CIAO3: variants seen among roughly 807,000 people sequenced by gnomAD.
The protein encoded by CIAO3 is LET1 like/JFP15.
CIAO3 carries 45 observed loss-of-function variants against 51.5 expected under a neutral mutation model. That is an observed-to-expected ratio of 0.87 (90% CI 0.69 to 1.12). The LOEUF (loss-of-function observed/expected upper bound fraction) is 1.12. CIAO3 is among the 50% of genes most tolerant of loss of function. CIAO3 has a pLI of 0.00. For synonymous variants in CIAO3, 314 were observed against 269.3 expected (o/e 1.17, Z -1.63); for missense variants, 668 against 632.5 (o/e 1.06, Z -0.60).
chr16:730,552 G>C lies in CIAO3; in HGVS notation c.1296C>G (p.Pro432=), dbSNP rs748883717. ...RLYGMVRAEA[P]EDAPGVQELY... ...GCTCCTGAACCCCAGGCGCGTCCTC[G>C]GGCGCCTCAGCCCGGACCATGCCGT... Residue 432 remains proline, a synonymous_variant, in exon 11 of 11, where the codon CCC becomes CCG. Transcript: ENST00000251588. The C allele has an allele frequency of 1.2e-6, 2 of 1,610,816 alleles. No homozygotes were observed. Among genetic ancestry groups the C allele is most frequent in the Non-Finnish European group, 1.7e-6 (2 of 1,179,990 alleles).
At chr16:730,742 C>T in intron 10 of CIAO3, 87 bp from the exon 11 acceptor site, 1 of 1,578,056 alleles carries the variant, frequency 6.3e-7, no homozygotes, top group Non-Finnish European at 8.6e-7. Flanking sequence ...TGACCGGGCC[C>T]CCTCTGTGCC....
chr16:735,206 C>T (rs541025853), intron 4 of CIAO3: 10 of 274,980 alleles, frequency 3.6e-5, no homozygotes, highest in African/African-American at 1.3e-4. Flanking sequence ...GCGCTGCTCC[C>T]GGTGACCCTC....
rs780351449 is a variant in CIAO3 at position 739,727 on chromosome 16, C to A, written c.78G>T (p.Lys26Asn). 1.1e-5 allele frequency: 17 copies of A among 1,614,028 alleles called. No individual in the cohort carries two copies. The South Asian group carries it at 1.6e-4, about 16-fold the overall frequency. ...CCGCCCTTTTTTCCACTTTGACAGG[C>A]TTGATGCACTCCTAGAGCAGGAAGA... is the stretch of plus-strand genomic sequence containing the variant. ...DFIGPSQECIKPVKVEKRAGS... is the reference protein window; with the variant it reads ...DFIGPSQECINPVKVEKRAGS... Residue 26 changes from lysine (K) to asparagine (N), a missense_variant, in exon 2 of 11, where the codon AAG becomes AAT. Transcript: ENST00000251588.
At chr16:740,132 C>A (rs1322710312) in intron 1 of CIAO3, 1 of 1,299,606 alleles carries the variant, frequency 7.7e-7, no homozygotes, top group South Asian at 1.2e-5. Context: ...CTGCTCAGTG[C>A]CCGGGAAACA....
chr16:730,588 C>T lies in CIAO3; in HGVS notation c.1260G>A (p.Val420=). ...DRPSRELLQH[V]ERLYGMVRAE... is the part of the protein sequence containing the mutation. ...CCCGGACCATGCCGTACAGTCTCTC[C>T]ACGTGCTGGAGGAGCTCTCTGCTGG... The change falls in exon 11 of 11, where the codon GTG becomes GTA. Residue 420 remains valine, a synonymous_variant. Coordinates refer to ENST00000251588, the MANE Select transcript of CIAO3 (RefSeq NM_022493.3). 1 of 1,610,946 alleles carries T rather than the reference C, an allele frequency of 6.2e-7. No individual in the cohort carries two copies. The highest frequency in any genetic ancestry group is 1.7e-5 in the Admixed American group (1 of 60,030).
At chr16:731,542 G>C (rs1191971644) in intron 9 of CIAO3, 23 bp downstream of exon 9, 3 of 1,544,074 alleles carry the variant, frequency 1.9e-6, no homozygotes, top group Admixed American at 3.9e-5. Flanking sequence ...GCTCTGCCCA[G>C]AGATCTGGCC....
In CIAO3 at chr16:730,568, A is replaced by C. The variant is rs1323103799; in HGVS notation, c.1280T>G (p.Val427Gly). Residue 427 changes from valine (V) to glycine (G), a missense_variant, in exon 11 of 11, where the codon GTC becomes GGC. Coordinates refer to ENST00000251588, the MANE Select transcript of CIAO3 (RefSeq NM_022493.3). Reference protein sequence around the residue: ...LQHVERLYGMVRAEAPEDAPG... With the variant: ...LQHVERLYGMGRAEAPEDAPG... ...CGCGTCCTCGGGCGCCTCAGCCCGG[A>C]CCATGCCGTACAGTCTCTCCACGTG... 1.9e-6 allele frequency: 3 copies of C among 1,610,830 alleles called. No individual in the cohort carries two copies. The highest frequency in any genetic ancestry group is 2.2e-5 in the East Asian group (1 of 44,900).
intron 6 of CIAO3, chr16:733,915 T>G: frequency 2.5e-6 from 1 of 405,064 alleles, no homozygotes; most frequent in Non-Finnish European, 4.7e-6. Flanking sequence ...CAGGTGGGGG[T>G]CGTGCTGGGC....
chr16:739,756 C>A lies in CIAO3; in HGVS notation c.67-18G>T. On this transcript the variant is annotated intron_variant, in intron 1 of 10. Coordinates refer to ENST00000251588, the MANE Select transcript of CIAO3 (RefSeq NM_022493.3). ...ATGCACTCCTAGAGCAGGAAGAGAC[C>A]CCAAATCAGCCCCTGTGAGTGGGCG... 6.2e-7 allele frequency: 1 copy of A among 1,610,694 alleles called. No homozygotes were observed. Among genetic ancestry groups the A allele is most frequent in the Non-Finnish European group, 8.5e-7 (1 of 1,177,492 alleles).
At chr16:731,257 C>A (rs1418553771) in intron 9 of CIAO3, 6 of 621,422 alleles carry the variant, frequency 9.7e-6, no homozygotes, top group Non-Finnish European at 1.7e-5. Flanking sequence ...CTGTGAGGCC[C>A]TGGCCCTCCC....
chr16:736,047 A>T (rs2041333695), intron 4 of CIAO3, among the ~76,000 whole-genome samples: 1 of 152,174 alleles, frequency 6.6e-6, no homozygotes, highest in South Asian at 2.1e-4. Flanking sequence ...AGCTTAGAGA[A>T]AGTGCACAGT....
At chr16:731,284 C>T (rs1424885852) in intron 9 of CIAO3, 15 of 607,132 alleles carry the variant, frequency 2.5e-5, no homozygotes, top group South Asian at 2.4e-4. Context: ...GATGTGGTCG[C>T]GTGCCTGCGC....
rs112836927 is a variant in CIAO3 at position 740,078 on chromosome 16, C to G, written c.67-340G>C. 6,321 of 1,352,342 alleles carry G rather than the reference C, an allele frequency of 4.7e-3. 259 individuals are homozygous for G. In the African/African-American group the frequency reaches 0.083, roughly 18 times the overall value. 83.8% of individuals were successfully genotyped at this position (1,352,342 alleles called of 1,614,324 possible). A position where few individuals can be genotyped will look rare whatever the true frequency, so the allele number is the denominator to read the frequency against. Reference sequence around the variant, plus strand: ...CACCACAGAGACCAGAGTTGCACTGCCCATCGAGAGGACGTGTGCTTGGAT... The same window carrying G: ...CACCACAGAGACCAGAGTTGCACTGGCCATCGAGAGGACGTGTGCTTGGAT... On this transcript the variant is annotated intron_variant, in intron 1 of 10. Transcript: ENST00000251588.
rs1204486329 is a variant in CIAO3 at position 740,977 on chromosome 16, C to T, written c.9G>A (p.Ser3=). The T allele has an allele frequency of 1.1e-5, 16 of 1,510,826 alleles. 1 individual carries two copies. In the East Asian group the frequency reaches 4.0e-4, roughly 38 times the overall value. The allele number at this position is 1,510,826 out of a possible 1,614,324, so 93.6% of individuals were successfully genotyped here. Reference sequence around the variant, plus strand: ...TCAGCTGCAGCGCCCCGCTGAAGGGCGACGCCATGACGGCCGCACTGCCGC... The same window carrying T: ...TCAGCTGCAGCGCCCCGCTGAAGGGTGACGCCATGACGGCCGCACTGCCGC... MA[S]PFSGALQLTD... Residue 3 remains serine (S), a synonymous_variant, in exon 1 of 11, where the codon TCG becomes TCA. Coordinates refer to ENST00000251588, the MANE Select transcript of CIAO3 (RefSeq NM_022493.3).
In CIAO3 at chr16:738,459, C is replaced by T. The variant is rs567660085; in HGVS notation, c.163-1130G>A. 6 of 440,688 alleles carry T rather than the reference C, an allele frequency of 1.4e-5. No individual in the cohort carries two copies. The South Asian group carries it at 4.7e-4, about 35-fold the overall frequency. 27.3% of individuals were successfully genotyped at this position (440,688 alleles called of 1,614,324 possible). A position where few individuals can be genotyped will look rare whatever the true frequency, so the allele number is the denominator to read the frequency against. On this transcript the variant is annotated intron_variant, in intron 2 of 10. Coordinates refer to ENST00000251588, the MANE Select transcript of CIAO3 (RefSeq NM_022493.3). The stretch of plus-strand genomic sequence containing the variant: ...CGCCTCCCAGGCTCACGCCATTCTC[C>T]TGCCTCAGCTTCCCGGTAGCTGGGA...
Position 731,645 on chromosome 16 carries a change from GCCC to G in CIAO3, c.951_953del (p.Gly318del). On this transcript the variant is annotated inframe_deletion, in exon 9 of 11. Coordinates refer to ENST00000251588, the MANE Select transcript of CIAO3 (RefSeq NM_022493.3). ...CGTGCCGGAACACGTGCTCCAGGTA[GCCC>G]CCCGAGCCCCCTCCCCGATGGCTGG... 1 of 1,557,122 alleles carries G rather than the reference GCCC, an allele frequency of 6.4e-7. No homozygotes were observed. Among genetic ancestry groups the G allele is most frequent in the Middle Eastern group, 1.7e-4 (1 of 5,996 alleles).
chr16:737,928 TCTC>T lies in CIAO3; in HGVS notation c.163-602_163-600del, dbSNP rs1158571953. On this transcript the variant is annotated intron_variant, in intron 2 of 10. Coordinates refer to ENST00000251588, the MANE Select transcript of CIAO3 (RefSeq NM_022493.3). This position sits in a 1 kb window ranked among gnomAD's most constrained non-coding sequence, Gnocchi z 5.3. The stretch of plus-strand genomic sequence containing the variant: ...GCACCCAGCTCGAGCTCCCCCAACT[TCTC>T]CTGCAAAGGCAGGAATGGTTTGAGC... The T allele has an allele frequency of 2.0e-5, 24 of 1,176,648 alleles. No homozygotes were observed. Among genetic ancestry groups the T allele is most frequent in the Non-Finnish European group, 1.9e-5 (18 of 936,038 alleles). 72.9% of individuals were successfully genotyped at this position (1,176,648 alleles called of 1,614,324 possible).
At chr16:740,793 G>A (rs2041382376) in intron 1 of CIAO3, 127 bp downstream of exon 1, 11 of 973,678 alleles carry the variant, frequency 1.1e-5, no homozygotes, top group South Asian at 1.5e-5. Context: ...AGTCCCTGAC[G>A]GCCCAGACCG....
rs1422816618 is a variant in CIAO3 at position 737,803 on chromosome 16, G to A, written c.163-474C>T. ...GGGAGCCTGGCCTCCGGTGGGCGGGGCAGAAACAACCGTCAGACTCGCCAA... is the reference window on the plus strand; with the variant it reads ...GGGAGCCTGGCCTCCGGTGGGCGGGACAGAAACAACCGTCAGACTCGCCAA... On this transcript the variant is annotated intron_variant, in intron 2 of 10. Coordinates refer to ENST00000251588, the MANE Select transcript of CIAO3 (RefSeq NM_022493.3). This position sits in a 1 kb window ranked among gnomAD's most constrained non-coding sequence, Gnocchi z 5.3. The A allele has an allele frequency of 8.3e-7, 1 of 1,199,574 alleles. No homozygotes were observed. The highest frequency in any genetic ancestry group is 1.6e-5 in the African/African-American group (1 of 62,956). The allele number at this position is 1,199,574 out of a possible 1,614,324, so 74.3% of individuals were successfully genotyped here.
Sources: gnomAD v4.1 joint callset for allele counts (sites outside exome capture counted in the v4.1 genomes callset) on GRCh38, gnomAD v4.1.1 for gene constraint, Gnocchi (gnomAD v3.1) non-coding constraint, MANE v1.5 for transcripts, NCBI Gene and HGNC (gene_info 2026-07-23, HGNC 2026-07-21) for gene names.